Variants in DBH observed in about 807,000 individuals in gnomAD.
DBH encodes the protein dopamine beta-hydroxylase.
A neutral mutation model predicts 64.0 loss-of-function variants in DBH; 49 were observed. The observed-to-expected ratio is 0.77, with a 90% CI of 0.61 to 0.97. The LOEUF is 0.97. DBH is among the 50% of genes least tolerant of loss of function. The pLI is 0.00. For missense variants in DBH, 828 were observed against 826.6 expected, an observed-to-expected ratio of 1.00 and a Z score of -0.02; for synonymous variants, 343 against 347.1, an observed-to-expected ratio of 0.99 and a Z score of 0.13.
chr9:133,656,534 G>A lies in DBH; in HGVS notation c.1446G>A (p.Gly482=), dbSNP rs780689811. The part of the protein sequence containing the change: ...DRELATVGGF[G]ILEEMCVNYV... ...CCTCCAACTTGCAGGGGGGCTTCGG[G>A]ATCCTGGAGGAGATGTGTGTCAACT... Residue 482 remains glycine (G), a synonymous_variant, in exon 10 of 12, where the codon GGG becomes GGA. Coordinates refer to ENST00000393056, the MANE Select transcript of DBH (RefSeq NM_000787.4). 1 of 1,613,918 alleles carries A rather than the reference G, an allele frequency of 6.2e-7. No individual in the cohort carries two copies. The highest frequency in any genetic ancestry group is 2.2e-5 in the East Asian group (1 of 44,876).
chr9:133,646,185 TACTTAA>T (rs1306638060), intron 5 of DBH, among the ~76,000 whole-genome samples: 1 of 152,200 alleles, frequency 6.6e-6, no homozygotes, highest in Non-Finnish European at 1.5e-5. Flanking sequence ...TTTGTTTTTT[TACTTAA>T]ACTTCATCAG....
chr9:133,644,076 G>A (rs1832150312), intron 4 of DBH, 142 bp from the exon 5 acceptor site: 2 of 741,884 alleles, frequency 2.7e-6, no homozygotes, highest in Non-Finnish European at 4.9e-6. Context: ...CTGCCTGTCA[G>A]GAGGAAGCAT....
intron 11 of DBH, chr9:133,657,446 AGAGAGGAGAGAGGGAGAG>A (rs1564215839): frequency 2.1e-6 from 1 of 468,822 alleles, no homozygotes; most frequent in African/African-American, 2.7e-5. Context: ...GAGAGAGGAG[AGAGAGGAGAGAGGGAGAG>A]GGAGAGAGGG....
chr9:133,643,350 G>A lies in DBH; in HGVS notation c.745-63G>A. On this transcript the variant is annotated intron_variant, in intron 3 of 11. Transcript: ENST00000393056. The surrounding 1 kb of genome is among the most constrained non-coding windows in gnomAD (Gnocchi z 5.3). ...TGGGCATTCGGAAGCCCATGGAGGAGGGCTGCTGGGGAGGGGAGGGTGGGC... is the reference window on the plus strand; with the variant it reads ...TGGGCATTCGGAAGCCCATGGAGGAAGGCTGCTGGGGAGGGGAGGGTGGGC... The A allele has an allele frequency of 1.3e-6, 2 of 1,573,030 alleles. No homozygotes were observed. The highest frequency in any genetic ancestry group is 8.7e-7 in the Non-Finnish European group (1 of 1,144,966).
At chr9:133,645,069 G>A (rs962694205) in intron 5 of DBH, among the ~76,000 whole-genome samples, 1 of 152,148 alleles carries the variant, frequency 6.6e-6, no homozygotes, top group African/African-American at 2.4e-5. Context: ...AGGTGCAGAA[G>A]TGGCCTAAGA....
In DBH at chr9:133,656,455, C is replaced by T. The variant is rs754027725; in HGVS notation, c.1435-68C>T. The T allele has an allele frequency of 1.7e-5, 27 of 1,609,074 alleles. No homozygotes were observed. In the South Asian group the frequency reaches 2.1e-4, roughly 12 times the overall value. On this transcript the variant is annotated intron_variant, in intron 9 of 11. Transcript: ENST00000393056. ...GGACGCAGTGTACACGTGGGTGCGG[C>T]GAAAGCTGCTGGATGGCAGCGTCTG...
At position 133,656,453 on chromosome 9, in the gene DBH, G is replaced by A. The variant is rs530787525; in HGVS notation, c.1435-70G>A. 18 of 1,607,958 alleles carry A rather than the reference G, an allele frequency of 1.1e-5. 1 individual carries two copies. The African/African-American group carries it at 1.5e-4, about 13-fold the overall frequency. Reference sequence around the variant, plus strand: ...GTGGACGCAGTGTACACGTGGGTGCGGCGAAAGCTGCTGGATGGCAGCGTC... The same window carrying A: ...GTGGACGCAGTGTACACGTGGGTGCAGCGAAAGCTGCTGGATGGCAGCGTC... On this transcript the variant is annotated intron_variant, in intron 9 of 11. Coordinates refer to ENST00000393056, the MANE Select transcript of DBH (RefSeq NM_000787.4).
chr9:133,657,447 GAGAGGAGA>G (rs1832344227), intron 11 of DBH: 2 of 532,452 alleles, frequency 3.8e-6, no homozygotes, highest in South Asian at 2.0e-5. Flanking sequence ...AGAGAGGAGA[GAGAGGAGA>G]GAGGGAGAGG....
chr9:133,652,163 G>A (rs1832256941), intron 7 of DBH, 83 bp from the exon 8 acceptor site: 5 of 1,534,366 alleles, frequency 3.3e-6, no homozygotes, highest in Non-Finnish European at 4.5e-6. Context: ...AGGGAGGCCT[G>A]AGGGAGGACA....
chr9:133,641,927 A>T (rs1189498732), intron 2 of DBH, among the ~76,000 whole-genome samples: 1 of 152,218 alleles, frequency 6.6e-6, no homozygotes, highest in African/African-American at 2.4e-5. Flanking sequence ...CGGCGGGCCC[A>T]GTAGTCACTG....
intron 2 of DBH, among the ~76,000 whole-genome samples, chr9:133,641,850 C>T (rs1362183569): frequency 6.6e-6 from 1 of 152,228 alleles, no homozygotes; most frequent in Non-Finnish European, 1.5e-5. Flanking sequence ...CCAATGATCC[C>T]CCACACCCAG....
At chr9:133,640,167 A>G (rs71505220) in intron 2 of DBH, among the ~76,000 whole-genome samples, 175 bp downstream of exon 2, 1 of 152,222 alleles carries the variant, frequency 6.6e-6, no homozygotes, top group Non-Finnish European at 1.5e-5. Flanking sequence ...GGGCCAAAGC[A>G]CTTAGGATGG....
In DBH at chr9:133,642,287, G is replaced by A. The variant is rs1307495838; in HGVS notation, c.567G>A (p.Gln189=). Reference sequence around the variant, plus strand: ...AGGCCATCAACGGCTCGGGCCTGCAGATGGGGCTGCAGAGGGTGCAGCTCC... The same window carrying A: ...AGGCCATCAACGGCTCGGGCCTGCAAATGGGGCTGCAGAGGGTGCAGCTCC... ...SLEAINGSGL[Q]MGLQRVQLLK... The change falls in exon 3 of 12, where the codon CAG becomes CAA. Residue 189 remains glutamine, a synonymous_variant. Transcript: ENST00000393056. 2 of 1,614,090 alleles carry A rather than the reference G, an allele frequency of 1.2e-6. No homozygotes were observed. Among genetic ancestry groups the A allele is most frequent in the Non-Finnish European group, 1.7e-6 (2 of 1,180,034 alleles).
At chr9:133,645,278 T>C (rs1832169956) in intron 5 of DBH, among the ~76,000 whole-genome samples, 1 of 151,744 alleles carries the variant, frequency 6.6e-6, no homozygotes, top group African/African-American at 2.4e-5. Flanking sequence ...AGTAATACCT[T>C]CCGCCACTGT....
rs1381673453 is a variant in DBH at position 133,658,710 on chromosome 9, AGTGCAGGGACAGCCTGCACAGTG to A, written c.*266_*288del. 1.1e-5 allele frequency: 4 copies of A among 369,162 alleles called. No homozygotes were observed. The highest frequency in any genetic ancestry group is 1.9e-5 in the Non-Finnish European group (4 of 206,024). 22.9% of individuals were successfully genotyped at this position (369,162 alleles called of 1,614,324 possible). A position where few individuals can be genotyped will look rare whatever the true frequency, so the allele number is the denominator to read the frequency against. ...TCGTCCATTTAAACCCGGCTGACTC[AGTGCAGGGACAGCCTGCACAGTG>A]GTCCAGGGTCCAGCCCTCCGCCAGC... On this transcript the variant is annotated 3_prime_UTR_variant, in exon 12 of 12. Coordinates refer to ENST00000393056, the MANE Select transcript of DBH (RefSeq NM_000787.4).
intron 1 of DBH, among the ~76,000 whole-genome samples, chr9:133,638,038 G>A (rs1479154158): frequency 6.6e-6 from 1 of 152,250 alleles, no homozygotes; most frequent in African/African-American, 2.4e-5. Flanking sequence ...CTGAGTGCAG[G>A]AGCATTTGCT....
At chr9:133,646,978 T>A (rs1832189581) in intron 5 of DBH, among the ~76,000 whole-genome samples, 1 of 152,190 alleles carries the variant, frequency 6.6e-6, no homozygotes, top group Non-Finnish European at 1.5e-5. Context: ...AGAAGCACCA[T>A]GTTATTCCTT....
chr9:133,652,873 G>A (rs940574271), intron 8 of DBH, 67 bp from the exon 9 acceptor site: 1 of 1,146,604 alleles, frequency 8.7e-7, no homozygotes, highest in Non-Finnish European at 1.3e-6. Flanking sequence ...GTCCTATGGG[G>A]GCGAGGCCTC....
chr9:133,644,472 C>T (rs1832158459), intron 5 of DBH, 152 bp downstream of exon 5: 3 of 730,550 alleles, frequency 4.1e-6, no homozygotes, highest in Non-Finnish European at 4.8e-6. Context: ...CATCCGCTGT[C>T]CATCTTCCAT....
Sources: gnomAD v4.1 joint callset for allele counts (sites outside exome capture counted in the v4.1 genomes callset) on GRCh38, gnomAD v4.1.1 for gene constraint, Gnocchi (gnomAD v3.1) non-coding constraint, MANE v1.5 for transcripts, NCBI Gene and HGNC (gene_info 2026-07-23, HGNC 2026-07-21) for gene names.